Variants in CCDC149 observed in about 807,000 individuals in gnomAD.
CCDC149 encodes the protein coiled-coil domain containing 149.
A neutral mutation model predicts 59.9 loss-of-function variants in CCDC149; 45 were observed. The observed-to-expected ratio is 0.75, with a 90% confidence interval of 0.59 to 0.96. The LOEUF is 0.96. CCDC149 is among the 40% of genes least tolerant of loss of function. The pLI is 0.00. For synonymous variants in CCDC149, 245 were observed against 260.6 expected, an observed-to-expected ratio of 0.94 and a Z score of 0.58; for missense variants, 584 against 664.7, an observed-to-expected ratio of 0.88 and a Z score of 1.33.
At chr4:24,940,830 C>G (rs1259079465) in intron 1 of CCDC149, among the ~76,000 whole-genome samples, 1 of 152,196 alleles carries the variant, frequency 6.6e-6, no homozygotes, top group Non-Finnish European at 1.5e-5. Flanking sequence ...GGGATCAATT[C>G]AACGAGAAGA....
chr4:24,885,579 C>T (rs1490153442), intron 1 of CCDC149, among the ~76,000 whole-genome samples: 3 of 152,130 alleles, frequency 2.0e-5, no homozygotes, highest in Non-Finnish European at 4.4e-5. Flanking sequence ...CATCAGTGGG[C>T]GAGTGGGTCA....
At chr4:24,918,709 C>A (rs958868111) in intron 1 of CCDC149, among the ~76,000 whole-genome samples, 1 of 152,174 alleles carries the variant, frequency 6.6e-6, no homozygotes, top group Non-Finnish European at 1.5e-5. Flanking sequence ...CTTTCTTTGT[C>A]CAAAACTTTC....
At chr4:24,850,009 C>T (rs990574675) in intron 4 of CCDC149, among the ~76,000 whole-genome samples, 2 of 152,228 alleles carry the variant, frequency 1.3e-5, no homozygotes, top group Non-Finnish European at 2.9e-5. Flanking sequence ...TGGGGTTAGT[C>T]CCCCCTCTGT....
chr4:24,875,622 C>T (rs935159164), intron 2 of CCDC149, among the ~76,000 whole-genome samples: 1 of 151,892 alleles, frequency 6.6e-6, no homozygotes, highest in African/African-American at 2.4e-5. Flanking sequence ...AGGTGTGTCA[C>T]TGCATTTGGC....
chr4:24,954,152 A>C (rs1163878595), intron 1 of CCDC149, among the ~76,000 whole-genome samples: 5 of 152,346 alleles, frequency 3.3e-5, no homozygotes, highest in African/African-American at 9.6e-5. Context: ...GAAAGACATT[A>C]ATATAAACAT....
intron 1 of CCDC149, among the ~76,000 whole-genome samples, chr4:24,977,243 G>A (rs1285276837): frequency 6.6e-6 from 1 of 151,978 alleles, no homozygotes; most frequent in Non-Finnish European, 1.5e-5. Flanking sequence ...CTGGAGCTTT[G>A]GGAAAGAGGT....
At chr4:24,903,123 C>T (rs1490789577) in intron 1 of CCDC149, among the ~76,000 whole-genome samples, 1 of 150,746 alleles carries the variant, frequency 6.6e-6, no homozygotes, top group Non-Finnish European at 1.5e-5. Flanking sequence ...CCCTAATTCT[C>T]CCCCATATAT....
At chr4:24,821,770 A>G (rs989828904) in intron 10 of CCDC149, among the ~76,000 whole-genome samples, 1 of 152,224 alleles carries the variant, frequency 6.6e-6, no homozygotes, top group Admixed American at 6.5e-5. Flanking sequence ...TAAAAAGTCA[A>G]TGGGGAATGG....
chr4:24,913,142 C>T (rs1396396183), upstream of CCDC149, among the ~76,000 whole-genome samples: 1 of 151,618 alleles, frequency 6.6e-6, no homozygotes, highest in Non-Finnish European at 1.5e-5. Context: ...CTCAGCCCCG[C>T]GACCTCGGGC....
intron 12 of CCDC149, among the ~76,000 whole-genome samples, chr4:24,812,947 G>T (rs1050591343): frequency 8.5e-5 from 13 of 152,182 alleles, no homozygotes; most frequent in African/African-American, 3.1e-4. Context: ...CATTTAAGGT[G>T]AGAGTTGGGT....
intron 1 of CCDC149, among the ~76,000 whole-genome samples, chr4:24,937,628 T>C (rs6448316): frequency 0.46 from 69,831 of 152,102 alleles, 18,972 homozygotes; most frequent in African/African-American, 0.77. Context: ...TGTATTGCCA[T>C]AGTTGATGGC....
chr4:24,883,533 G>A (rs1259018401), intron 1 of CCDC149, among the ~76,000 whole-genome samples: 1 of 152,108 alleles, frequency 6.6e-6, no homozygotes, highest in Non-Finnish European at 1.5e-5. Flanking sequence ...GTGAGTAGGT[G>A]TAAAAGGCAT....
At chr4:24,896,624 CAATATATCTGAGA>C in intron 1 of CCDC149, among the ~76,000 whole-genome samples, 1 of 151,490 alleles carries the variant, frequency 6.6e-6, no homozygotes, top group East Asian at 2.0e-4. Context: ...TTTTTTCAAG[CAATATATCTGAGA>C]TAATAAAATT....
At chr4:24,821,411 G>T (rs982139860) in intron 10 of CCDC149, among the ~76,000 whole-genome samples, 1 of 152,174 alleles carries the variant, frequency 6.6e-6, no homozygotes, top group African/African-American at 2.4e-5. Flanking sequence ...AGCATCAAAA[G>T]ATTCTTGTGC....
chr4:24,826,348 T>G (rs1409482434), intron 9 of CCDC149, among the ~76,000 whole-genome samples: 1 of 151,842 alleles, frequency 6.6e-6, no homozygotes, highest in Non-Finnish European at 1.5e-5. Flanking sequence ...GGAAGGAGTG[T>G]GAGTAGAAGC....
At chr4:24,905,406 C>T (rs912500620) in intron 1 of CCDC149, among the ~76,000 whole-genome samples, 3 of 110,342 alleles carry the variant, frequency 2.7e-5, no homozygotes, top group Admixed American at 1.8e-4. Flanking sequence ...TTTCTTTTTG[C>T]GTGCGTGCGT....
chr4:24,825,447 C>A (rs1323661771), intron 9 of CCDC149, among the ~76,000 whole-genome samples: 4 of 152,136 alleles, frequency 2.6e-5, no homozygotes, highest in African/African-American at 9.7e-5. Context: ...GCTTACACAG[C>A]TGGCGAGCAG....
At chr4:24,846,557 T>C (rs1425395317) in intron 4 of CCDC149, among the ~76,000 whole-genome samples, 1 of 152,212 alleles carries the variant, frequency 6.6e-6, no homozygotes, top group Non-Finnish European at 1.5e-5. Flanking sequence ...TTGGTCTGTC[T>C]TTATTGGCCT....
chr4:24,829,799 C>T (rs1716014691), intron 9 of CCDC149: 1 of 152,266 alleles, frequency 6.6e-6, no homozygotes. Flanking sequence ...GCCGCTGCAC[C>T]CAAGCAATTC....
Sources: gnomAD v4.1 joint callset for allele counts (sites outside exome capture counted in the v4.1 genomes callset) on GRCh38, gnomAD v4.1.1 for gene constraint, MANE v1.5 for transcripts, NCBI Gene and HGNC (gene_info 2026-07-23, HGNC 2026-07-21) for gene names.